PLEKHA1: variants seen among roughly 807,000 people sequenced by gnomAD.
The protein encoded by PLEKHA1 is pleckstrin homology domain-containing family A member 1.
A neutral mutation model predicts 52.0 loss-of-function variants in PLEKHA1; 34 were observed. The observed-to-expected ratio is 0.65, with a 90% confidence interval of 0.50 to 0.87. The LOEUF is 0.87. PLEKHA1 is among the 40% of genes least tolerant of loss of function. The pLI is 0.00. For missense variants in PLEKHA1, 497 were observed against 504.2 expected, an observed-to-expected ratio of 0.99 and a Z score of 0.14; for synonymous variants, 163 against 170.7, an observed-to-expected ratio of 0.95 and a Z score of 0.35.
rs376964644 is a variant in PLEKHA1, at chr10:122,416,952, A to G, written c.613-948A>G. ...GAGGGCAGGGGTTTCTTACTGTACA[A>G]TGTCTGCAGGTAGAGTCAGAATTCT... On this transcript the variant is annotated intron_variant, in intron 7 of 11. Coordinates refer to ENST00000368990, the MANE Select transcript of PLEKHA1 (RefSeq NM_001001974.4). The G allele has an allele frequency of 5.3e-4, 82 of 154,452 alleles. 1 individual carries two copies. The South Asian group carries it at 0.016, about 29-fold the overall frequency. 9.6% of individuals were successfully genotyped at this position (154,452 alleles called of 1,614,324 possible).
chr10:122,401,574 G>C (rs560252289), intron 4 of PLEKHA1, among the ~76,000 whole-genome samples: 3 of 152,124 alleles, frequency 2.0e-5, no homozygotes, highest in Non-Finnish European at 2.9e-5. Context: ...GTTACATAGG[G>C]TAAAATGTTT....
chr10:122,427,684 A>T (rs1275722506), intron 11 of PLEKHA1, among the ~76,000 whole-genome samples: 1 of 152,206 alleles, frequency 6.6e-6, no homozygotes, highest in Non-Finnish European at 1.5e-5. Context: ...TATTTTTTTA[A>T]AAGATTTTTC....
intron 9 of PLEKHA1, 21 bp downstream of exon 9, chr10:122,424,284 G>C: frequency 6.4e-7 from 1 of 1,565,046 alleles, no homozygotes; most frequent in Admixed American, 2.1e-5. Flanking sequence ...GCTCTGACTT[G>C]ATGCCTGGCA....
intron 8 of PLEKHA1, chr10:122,421,610 T>C (rs1350669039): frequency 6.6e-6 from 1 of 152,086 alleles, no homozygotes; most frequent in African/African-American, 2.4e-5. Context: ...TTTTCAATCC[T>C]TGTATAAATT....
At position 122,430,250 on chromosome 10, in the gene PLEKHA1, T is replaced by A. The variant is rs1391400620; in HGVS notation, c.*312T>A. The A allele has an allele frequency of 1.4e-5, 3 of 219,292 alleles. No homozygotes were observed. Among genetic ancestry groups the A allele is most frequent in the African/African-American group, 6.8e-5 (3 of 43,846 alleles). 13.6% of individuals were successfully genotyped at this position (219,292 alleles called of 1,614,324 possible). On this transcript the variant is annotated 3_prime_UTR_variant, in exon 12 of 12. Transcript: ENST00000368990. ...TTCTTAGTGATTTTGACAGTTTAAA[T>A]GTTTAACAACTTAAAGCATTAAAAA... is the stretch of plus-strand genomic sequence containing the variant.
rs1355903719 is a variant in PLEKHA1 at position 122,429,817 on chromosome 10, A to C, written c.1094A>C (p.Glu365Ala). ...AAGGTCCAGACTGTCTCTCCAAGAG[A>C]ACCAGCTTCCAAAGTGACTGAACAA... is the stretch of plus-strand genomic sequence containing the variant. ...NFKVQTVSPR[E>A]PASKVTEQAL... is the part of the protein sequence containing the mutation. The change falls in exon 12 of 12, where the codon GAA becomes GCA. Residue 365 changes from glutamate to alanine, a missense_variant. Glu to Ala is a moderately radical substitution (Grantham distance 107, BLOSUM62 -1). Coordinates refer to ENST00000368990, the MANE Select transcript of PLEKHA1 (RefSeq NM_001001974.4). 3.7e-6 allele frequency: 6 copies of C among 1,614,052 alleles called. No homozygotes were observed. Among genetic ancestry groups the C allele is most frequent in the Non-Finnish European group, 4.2e-6 (5 of 1,180,044 alleles).
intron 5 of PLEKHA1, among the ~76,000 whole-genome samples, chr10:122,411,231 T>G (rs2097102290): frequency 6.6e-6 from 1 of 152,172 alleles, no homozygotes; most frequent in African/African-American, 2.4e-5. Context: ...AACCAGAGGC[T>G]GGAGGATTGG....
chr10:122,378,366 C>G (rs2096566699), intron 1 of PLEKHA1, among the ~76,000 whole-genome samples: 1 of 152,046 alleles, frequency 6.6e-6, no homozygotes, highest in South Asian at 2.1e-4. Context: ...ATTTTGTAGG[C>G]TCTTTCCCAC....
chr10:122,408,770 G>T (rs559219196), intron 5 of PLEKHA1, among the ~76,000 whole-genome samples: 18 of 152,234 alleles, frequency 1.2e-4, no homozygotes, highest in African/African-American at 4.1e-4. Flanking sequence ...GTATTAAAGT[G>T]TGGAATCTCC....
intron 3 of PLEKHA1, among the ~76,000 whole-genome samples, chr10:122,399,739 T>C (rs549292140): frequency 5.9e-5 from 9 of 152,124 alleles, no homozygotes; most frequent in East Asian, 5.8e-4. Flanking sequence ...CCCGCCACCA[T>C]GCCCAGCTAA....
chr10:122,428,317 G>C (rs773923567), intron 11 of PLEKHA1: 186 of 1,547,254 alleles, frequency 1.2e-4, no homozygotes, highest in Non-Finnish European at 1.6e-4. Flanking sequence ...GTATACAGAG[G>C]TATACATCAA....
intron 1 of PLEKHA1, among the ~76,000 whole-genome samples, chr10:122,390,574 T>C (rs1012207941): frequency 6.6e-6 from 1 of 152,092 alleles, no homozygotes; most frequent in Non-Finnish European, 1.5e-5. Flanking sequence ...GGCCAGGAGC[T>C]CAAGACTAGC....
At position 122,406,563 on chromosome 10, in the gene PLEKHA1, T is replaced by G. The variant is rs760581842; in HGVS notation, c.245-13T>G. On this transcript the variant is annotated splice_polypyrimidine_tract_variant and intron_variant, in intron 4 of 11. Coordinates refer to ENST00000368990, the MANE Select transcript of PLEKHA1 (RefSeq NM_001001974.4). ...AGTACAATATTTGGTGTGTTATTTT[T>G]TTCTGTCAACAGTTATGAATGCAGG... is the stretch of plus-strand genomic sequence containing the variant. The G allele has an allele frequency of 6.3e-7, 1 of 1,594,534 alleles. No individual in the cohort carries two copies. The highest frequency in any genetic ancestry group is 8.6e-7 in the Non-Finnish European group (1 of 1,163,250).
rs963978699 is a variant in PLEKHA1 at position 122,431,406 on chromosome 10, C to T, written c.*1468C>T. The T allele has an allele frequency of 6.6e-6, 1 of 152,666 alleles. No homozygotes were observed. The highest frequency in any genetic ancestry group is 1.9e-4 in the East Asian group (1 of 5,196). The allele number at this position is 152,666 out of a possible 1,614,324, so 9.5% of individuals were successfully genotyped here. A position where few individuals can be genotyped will look rare whatever the true frequency, so the allele number is the denominator to read the frequency against. The stretch of plus-strand genomic sequence containing the variant: ...AAGTGCTGGGATTACAGGCGTGAGC[C>T]ACCATGCCCGGCCCATAAGTACCGT... On this transcript the variant is annotated 3_prime_UTR_variant, in exon 12 of 12. Coordinates refer to ENST00000368990, the MANE Select transcript of PLEKHA1 (RefSeq NM_001001974.4).
intron 2 of PLEKHA1, among the ~76,000 whole-genome samples, chr10:122,395,110 C>T (rs11200607): frequency 0.2 from 30,113 of 151,992 alleles, 3,115 homozygotes; most frequent in Middle Eastern, 0.24. Context: ...TTCCAGTGCT[C>T]AAAGAACAGT....
chr10:122,424,228 T>C lies in PLEKHA1; in HGVS notation c.711T>C (p.Leu237=), dbSNP rs778040157. Residue 237 remains leucine, a synonymous_variant, in exon 9 of 12, where the codon CTT becomes CTC. Transcript: ENST00000368990. ...AGGAACCTCTTCGTGTAATACCACTTAAAGAGGTTCATAAAGTCCAGGAAT... is the reference window on the plus strand; with the variant it reads ...AGGAACCTCTTCGTGTAATACCACTCAAAGAGGTTCATAAAGTCCAGGAAT... ...LEKEPLRVIP[L]KEVHKVQECK... 58 of 1,585,504 alleles carry C rather than the reference T, an allele frequency of 3.7e-5. No homozygotes were observed. Among genetic ancestry groups the C allele is most frequent in the Non-Finnish European group, 3.9e-5 (46 of 1,169,784 alleles).
chr10:122,412,783 G>A (rs1052097060), intron 5 of PLEKHA1, 137 bp from the exon 6 acceptor site: 16 of 838,954 alleles, frequency 1.9e-5, no homozygotes, highest in East Asian at 2.7e-5. Context: ...AACTTAAGGA[G>A]TACATACATG....
chr10:122,380,109 T>C (rs1346635385), intron 1 of PLEKHA1, among the ~76,000 whole-genome samples: 6 of 152,236 alleles, frequency 3.9e-5, no homozygotes, highest in African/African-American at 1.4e-4. Flanking sequence ...TTCCTTCCAT[T>C]ATTTAAATAA....
chr10:122,416,007 G>A lies in PLEKHA1; in HGVS notation c.612+5G>A, dbSNP rs1315082402. The A allele has an allele frequency of 1.9e-6, 3 of 1,596,036 alleles. No homozygotes were observed. Among genetic ancestry groups the A allele is most frequent in the Non-Finnish European group, 2.6e-6 (3 of 1,172,838 alleles). ...TGTGTAAAACAAGGAGCAGTGGTGA[G>A]TAGCTTAACAAAATACATGAAATAA... On this transcript the variant is annotated splice_donor_5th_base_variant and intron_variant, in intron 7 of 11. Transcript: ENST00000368990.
Sources: allele counts gnomAD v4.1 joint callset (sites outside exome capture counted in the v4.1 genomes callset), GRCh38; gene constraint gnomAD v4.1.1; transcripts MANE v1.5; gene names NCBI Gene and HGNC (gene_info 2026-07-23, HGNC 2026-07-21).